Variants in PINX1 observed in about 807,000 individuals in gnomAD.
The protein encoded by PINX1 is PIN2/TERF1-interacting telomerase inhibitor 1.
PINX1 carries 34 observed loss-of-function variants against 25.4 expected under a neutral mutation model. The ratio of observed to expected loss-of-function variants is 1.34; its 90% CI spans 1.02 to 1.78. The LOEUF is 1.78. PINX1 is among the 40% of genes most tolerant of loss of function. PINX1 has a pLI of 0.00. For missense variants in PINX1, 592 were observed against 404.9 expected (o/e 1.46, Z -3.97); for synonymous variants, 197 against 147.7 (o/e 1.33, Z -2.42).
chr8:10,822,838 G>A (rs888740403), intron 5 of PINX1, among the ~76,000 whole-genome samples: 8 of 152,148 alleles, frequency 5.3e-5, no homozygotes, highest in African/African-American at 1.9e-4. Flanking sequence ...TGAAGGGCAA[G>A]GAATATGTTT....
At chr8:10,777,040 T>G (rs1441533404) in intron 6 of PINX1, among the ~76,000 whole-genome samples, 1 of 152,210 alleles carries the variant, frequency 6.6e-6, no homozygotes, top group African/African-American at 2.4e-5. Context: ...ACAAAAGCTC[T>G]TAAAACCACT....
intron 6 of PINX1, among the ~76,000 whole-genome samples, chr8:10,816,727 A>T (rs1373938286): frequency 6.6e-6 from 1 of 152,266 alleles, no homozygotes; most frequent in Non-Finnish European, 1.5e-5. Flanking sequence ...CTAAGGCCTA[A>T]CTAACCCCCT....
chr8:10,813,218 G>T (rs1294524879), intron 6 of PINX1, among the ~76,000 whole-genome samples: 1 of 152,182 alleles, frequency 6.6e-6, no homozygotes, highest in African/African-American at 2.4e-5. Context: ...TTGGTGTCCA[G>T]ATGTGGAGTG....
Position 10,810,491 on chromosome 8 carries a change from T to G in PINX1, c.471+9702A>C, listed in dbSNP as rs893258405. Among the ~76,000 whole-genome samples, 5 of 152,198 alleles carry G rather than the reference T, an allele frequency of 3.3e-5. 1 individual carries two copies. The highest frequency in any genetic ancestry group is 4.4e-5 in the Non-Finnish European group (3 of 68,034). ...GTGAGCATGAGCAGCTCCCTTCCTG[T>G]GTCCCCAGATTGTTCAAGGCATATT... On this transcript the variant is annotated intron_variant, in intron 6 of 6. Coordinates refer to ENST00000314787, the MANE Select transcript of PINX1 (RefSeq NM_017884.6).
At chr8:10,799,025 G>C (rs1445180083) in intron 6 of PINX1, among the ~76,000 whole-genome samples, 1 of 152,136 alleles carries the variant, frequency 6.6e-6, no homozygotes, top group Non-Finnish European at 1.5e-5. Flanking sequence ...TCACAGCAAG[G>C]AAATTAGAGG....
chr8:10,826,360 C>T (rs1798041953), intron 4 of PINX1, 116 bp from the exon 5 acceptor site: 1 of 576,012 alleles, frequency 1.7e-6, no homozygotes, highest in South Asian at 2.3e-5. Context: ...AATGATTGAA[C>T]TCTTTCATTC....
In PINX1 at chr8:10,794,609, T is replaced by G. The variant is rs555061708; in HGVS notation, c.471+25584A>C. On this transcript the variant is annotated intron_variant, in intron 6 of 6. Coordinates refer to ENST00000314787, the MANE Select transcript of PINX1 (RefSeq NM_017884.6). ...GTCTGGCTAATTTTTGTATTTTTAG[T>G]AGAGACGGGGTTTCACCATGTTGAC... 1.4e-3 allele frequency among the ~76,000 whole-genome samples: 220 copies of G among 152,194 alleles called. 1 individual carries two copies. The highest frequency in any genetic ancestry group is 4.9e-3 in the African/African-American group (202 of 41,514).
chr8:10,768,766 A>C (rs1004067590), intron 6 of PINX1, among the ~76,000 whole-genome samples: 1 of 152,232 alleles, frequency 6.6e-6, no homozygotes, highest in Non-Finnish European at 1.5e-5. Flanking sequence ...TATACACCAA[A>C]GTCGGAGACT....
chr8:10,831,889 G>C (rs928952490), intron 3 of PINX1, 146 bp from the exon 4 acceptor site: 16 of 616,550 alleles, frequency 2.6e-5, no homozygotes, highest in Non-Finnish European at 4.7e-5. Flanking sequence ...AAATTTAAGT[G>C]GATTCAAGAA....
intron 6 of PINX1, among the ~76,000 whole-genome samples, chr8:10,817,896 G>T (rs532169050): frequency 6.6e-6 from 1 of 152,002 alleles, no homozygotes; most frequent in East Asian, 1.9e-4. Context: ...CTTACTGAAC[G>T]TCAGAATAAC....
intron 6 of PINX1, among the ~76,000 whole-genome samples, chr8:10,776,324 C>G (rs1047430982): frequency 3.4e-4 from 52 of 152,090 alleles, no homozygotes; most frequent in African/African-American, 1.2e-3. Flanking sequence ...ACTTGGGAGG[C>G]TGAGACAGGA....
At chr8:10,795,046 T>C (rs774411185) in intron 6 of PINX1, among the ~76,000 whole-genome samples, 13 of 152,176 alleles carry the variant, frequency 8.5e-5, no homozygotes, top group Non-Finnish European at 1.3e-4. Flanking sequence ...ATTATACTCA[T>C]CTAGAAAGTG....
chr8:10,831,809 C>A, intron 3 of PINX1, 66 bp from the exon 4 acceptor site: 1 of 878,742 alleles, frequency 1.1e-6, no homozygotes, highest in Non-Finnish European at 1.9e-6. Flanking sequence ...TGAGATGATA[C>A]ATTTTGGAAT....
At chr8:10,792,728 G>GA (rs1801963208) in intron 6 of PINX1, among the ~76,000 whole-genome samples, 1 of 152,032 alleles carries the variant, frequency 6.6e-6, no homozygotes, top group Admixed American at 6.5e-5. Context: ...ACTGTAATAG[G>GA]AAAAAAAGAA....
chr8:10,830,574 T>A (rs771742007), intron 4 of PINX1, among the ~76,000 whole-genome samples: 13 of 152,166 alleles, frequency 8.5e-5, no homozygotes, highest in Non-Finnish European at 1.8e-4. Flanking sequence ...TATTCACACA[T>A]GACACACAAG....
intron 6 of PINX1, among the ~76,000 whole-genome samples, chr8:10,768,609 A>G (rs1365982695): frequency 6.6e-6 from 1 of 152,198 alleles, no homozygotes; most frequent in Non-Finnish European, 1.5e-5. Flanking sequence ...CTGGCCACAC[A>G]ATGACTGGCT....
At chr8:10,770,937 T>C (rs1017267228) in intron 6 of PINX1, among the ~76,000 whole-genome samples, 3 of 152,228 alleles carry the variant, frequency 2.0e-5, no homozygotes, top group Non-Finnish European at 4.4e-5. Flanking sequence ...ATGAACTTTG[T>C]TAACAAAGTA....
intron 6 of PINX1, among the ~76,000 whole-genome samples, chr8:10,797,516 T>C (rs1331296519): frequency 6.6e-6 from 1 of 152,170 alleles, no homozygotes; most frequent in Non-Finnish European, 1.5e-5. Flanking sequence ...AACAACTTTC[T>C]AAAAACAAAC....
intron 4 of PINX1, among the ~76,000 whole-genome samples, chr8:10,828,188 T>G (rs1465211787): frequency 6.6e-6 from 1 of 152,138 alleles, no homozygotes. Context: ...GCTGAAACAT[T>G]CTCTTCTGCA....
Sources: gnomAD v4.1 joint callset for allele counts (sites outside exome capture counted in the v4.1 genomes callset) on GRCh38, gnomAD v4.1.1 for gene constraint, MANE v1.5 for transcripts, NCBI Gene and HGNC (gene_info 2026-07-23, HGNC 2026-07-21) for gene names.